RGS22: variants seen among roughly 807,000 people sequenced by gnomAD.
The protein encoded by RGS22 is regulator of G protein signaling 22.
RGS22 carries 148 observed loss-of-function variants against 172.9 expected under a neutral mutation model. That is an observed-to-expected ratio of 0.86 (90% confidence interval 0.75 to 0.98). The LOEUF (loss-of-function observed/expected upper bound fraction) is 0.98, where lower values mean the gene tolerates loss of function less well. Ranked by LOEUF, RGS22 falls within the 50% of genes least tolerant of loss-of-function variation. RGS22 has a pLI of 0.00. For missense variants in RGS22, 1,347 were observed against 1,440.8 expected (o/e 0.93, Z 1.05); for synonymous variants, 458 against 480.2 (o/e 0.95, Z 0.60).
At chr8:100,041,246 T>C (rs1359403826) in intron 12 of RGS22, among the ~76,000 whole-genome samples, 3 of 152,180 alleles carry the variant, frequency 2.0e-5, no homozygotes, top group East Asian at 1.9e-4. Flanking sequence ...CCCAGCACTT[T>C]GGAAGGGCGA....
intron 23 of RGS22, among the ~76,000 whole-genome samples, chr8:99,971,414 A>G (rs1420228061): frequency 6.6e-6 from 1 of 152,160 alleles, no homozygotes; most frequent in South Asian, 2.1e-4. Context: ...GGGTATTCAA[A>G]TAGGAAGAGA....
At chr8:100,075,899 C>T (rs1811312824) in intron 4 of RGS22, among the ~76,000 whole-genome samples, 1 of 151,396 alleles carries the variant, frequency 6.6e-6, no homozygotes, top group Non-Finnish European at 1.5e-5. Flanking sequence ...TATTATTTGC[C>T]CTTTTTTTTT....
chr8:99,971,539 A>C (rs1811347505), intron 23 of RGS22, among the ~76,000 whole-genome samples: 1 of 152,226 alleles, frequency 6.6e-6, no homozygotes, highest in Non-Finnish European at 1.5e-5. Flanking sequence ...CTCAGAATAC[A>C]AAATCAATGT....
chr8:100,075,412 T>C (rs1488005382), intron 4 of RGS22, among the ~76,000 whole-genome samples: 1 of 152,180 alleles, frequency 6.6e-6, no homozygotes, highest in African/African-American at 2.4e-5. Context: ...CCACCATGAG[T>C]GGGAGCTTCC....
intron 20 of RGS22, among the ~76,000 whole-genome samples, chr8:99,987,933 A>G (rs1813286362): frequency 6.6e-6 from 1 of 151,966 alleles, no homozygotes; most frequent in Admixed American, 6.6e-5. Context: ...CTGTGCTTAA[A>G]CAGAACAAAG....
chr8:100,070,027 C>CAAA (rs777398611), intron 6 of RGS22, among the ~76,000 whole-genome samples: 84 of 39,766 alleles, frequency 2.1e-3, no homozygotes, highest in Middle Eastern at 0.015. Context: ...GACTCTGTCT[C>CAAA]AAAAAAAAAA....
rs1346223961 is a variant in RGS22, at chr8:99,978,041, G to A, written c.3395C>T (p.Pro1132Leu). The change falls in exon 23 of 28, where the codon CCT becomes CTT. Residue 1132 changes from proline to leucine, a missense_variant. Pro to Leu is a moderately conservative substitution (Grantham distance 98, BLOSUM62 -3). Transcript: ENST00000360863. ...ATTCTTCCTAAACTCACAGAACTGA[G>A]GCCAGAATTTAAACAGAACCCCAAA... ...TIFGVLFKFW[P>L]QFCEFRKNLT... 2.6e-6 allele frequency: 4 copies of A among 1,525,382 alleles called. No individual in the cohort carries two copies. The highest frequency in any genetic ancestry group is 2.0e-4 in the Middle Eastern group (1 of 5,060). 94.5% of individuals were successfully genotyped at this position (1,525,382 alleles called of 1,614,324 possible).
At chr8:99,976,464 C>T (rs1811953473) in intron 23 of RGS22, among the ~76,000 whole-genome samples, 1 of 152,126 alleles carries the variant, frequency 6.6e-6, no homozygotes. Context: ...CGGGTTCACG[C>T]CATTCTCCTG....
At chr8:99,998,647 A>AATT (rs778997018) in intron 19 of RGS22, among the ~76,000 whole-genome samples, 10 of 151,976 alleles carry the variant, frequency 6.6e-5, no homozygotes, top group South Asian at 2.1e-4. Flanking sequence ...TTTAAAAAAA[A>AATT]ATTATTATTA....
At chr8:100,061,855 C>T (rs1267173854) in intron 9 of RGS22, among the ~76,000 whole-genome samples, 2 of 152,096 alleles carry the variant, frequency 1.3e-5, no homozygotes, top group African/African-American at 4.8e-5. Context: ...TGTGTATGTT[C>T]ATTGCAGCAC....
chr8:100,056,735 G>A (rs970296008), intron 9 of RGS22, among the ~76,000 whole-genome samples: 1 of 152,214 alleles, frequency 6.6e-6, no homozygotes, highest in Non-Finnish European at 1.5e-5. Flanking sequence ...AGATTTCAGA[G>A]TATGTACGGA....
chr8:100,093,488 C>A lies in RGS22; in HGVS notation c.76G>T (p.Asp26Tyr). ...TCATTAAAGTAGTCTACAAGGAAATCATCTGTTGCCAGAGAATCTTCCTGC... is the reference window on the plus strand; with the variant it reads ...TCATTAAAGTAGTCTACAAGGAAATAATCTGTTGCCAGAGAATCTTCCTGC... The part of the protein sequence containing the change: ...EEFEDSLATD[D>Y]FLVDYFNEFL... The change falls in exon 3 of 28, where the codon GAT (aspartate) becomes TAT (tyrosine). Residue 26 changes from aspartate to tyrosine, a missense_variant. Physicochemically the swap from Asp to Tyr is radical, Grantham distance 160 (BLOSUM62 -3). Coordinates refer to ENST00000360863, the MANE Select transcript of RGS22 (RefSeq NM_015668.5). 1 of 1,592,260 alleles carries A rather than the reference C, an allele frequency of 6.3e-7. No individual in the cohort carries two copies. Among genetic ancestry groups the A allele is most frequent in the Non-Finnish European group, 8.6e-7 (1 of 1,165,016 alleles).
intron 25 of RGS22, 29 bp downstream of exon 25, chr8:99,962,856 T>A (rs780182188): frequency 3.7e-5 from 58 of 1,580,358 alleles, no homozygotes; most frequent in South Asian, 2.6e-4. Context: ...GATAAAAAAG[T>A]AAACTTGTAG....
intron 4 of RGS22, among the ~76,000 whole-genome samples, chr8:100,073,414 C>G (rs1199123467): frequency 8.0e-6 from 1 of 124,324 alleles, no homozygotes; most frequent in African/African-American, 3.5e-5. Context: ...TCCTTCTAAT[C>G]AGCAAAAAAC....
intron 4 of RGS22, among the ~76,000 whole-genome samples, chr8:100,078,460 C>T (rs902439905): frequency 3.3e-5 from 5 of 150,476 alleles, no homozygotes; most frequent in African/African-American, 9.7e-5. Context: ...TAATGTGATA[C>T]TAATTATTGA....
Position 100,093,497 on chromosome 8 carries a change from C to A in RGS22, c.67G>T (p.Ala23Ser). 6.3e-7 allele frequency: 1 copy of A among 1,593,266 alleles called. No homozygotes were observed. Among genetic ancestry groups the A allele is most frequent in the South Asian group, 1.1e-5 (1 of 88,018 alleles). ...ITEEEFEDSL[A>S]TDDFLVDYFN... is the part of the protein sequence containing the mutation. The stretch of plus-strand genomic sequence containing the variant: ...TAGTCTACAAGGAAATCATCTGTTG[C>A]CAGAGAATCTTCCTGCAAAAAAAAA... Residue 23 changes from alanine to serine, a missense_variant, in exon 3 of 28, where the codon GCA becomes TCA. Coordinates refer to ENST00000360863, the MANE Select transcript of RGS22 (RefSeq NM_015668.5).
rs530487436 is a variant in RGS22 at position 100,100,864 on chromosome 8, A to AGATT, written c.54+4506_54+4509dup. On this transcript the variant is annotated intron_variant, in intron 2 of 27. Coordinates refer to ENST00000360863, the MANE Select transcript of RGS22 (RefSeq NM_015668.5). The stretch of plus-strand genomic sequence containing the variant: ...TAAAGTTTATCTTAATTTGATAGTA[A>AGATT]GATTACAAGGTAGTCTCTTTTTTAA... Among the ~76,000 whole-genome samples the AGATT allele has an allele frequency of 2.0e-5, 3 of 152,332 alleles. No individual in the cohort carries two copies. The South Asian group carries it at 6.2e-4, about 32-fold the overall frequency.
At chr8:100,024,506 C>T (rs1257948809) in intron 14 of RGS22, among the ~76,000 whole-genome samples, 1 of 152,126 alleles carries the variant, frequency 6.6e-6, no homozygotes, top group Non-Finnish European at 1.5e-5. Context: ...ATGGCACCTT[C>T]AGTCCTGAGC....
At chr8:100,031,667 G>A (rs184956916) in intron 14 of RGS22, among the ~76,000 whole-genome samples, 11 of 152,070 alleles carry the variant, frequency 7.2e-5, no homozygotes, top group Admixed American at 2.0e-4. Flanking sequence ...TATGGAGAGT[G>A]ATAGATTCTA....
Sources: allele counts gnomAD v4.1 joint callset (sites outside exome capture counted in the v4.1 genomes callset), GRCh38; gene constraint gnomAD v4.1.1; transcripts MANE v1.5; gene names NCBI Gene and HGNC (gene_info 2026-07-23, HGNC 2026-07-21).